Variants in LCP1 observed in about 807,000 individuals in gnomAD.
LCP1 encodes the protein lymphocyte cytosolic protein 1, also known as plastin-2.
A neutral mutation model predicts 72.0 loss-of-function variants in LCP1; 23 were observed. The ratio of observed to expected loss-of-function variants is 0.32; its 90% confidence interval spans 0.23 to 0.45. The LOEUF (loss-of-function observed/expected upper bound fraction) is 0.45, where lower values mean the gene tolerates loss of function less well. Ranked by LOEUF, LCP1 falls within the 20% of genes least tolerant of loss-of-function variation. LCP1 has a pLI of 1.00. For synonymous variants in LCP1, 245 were observed against 275.4 expected (o/e 0.89, Z 1.09); for missense variants, 571 against 748.3 (o/e 0.76, Z 2.76).
At chr13:46,139,573 C>T (rs1261631476) in intron 13 of LCP1, among the ~76,000 whole-genome samples, 1 of 152,156 alleles carries the variant, frequency 6.6e-6, no homozygotes, top group Non-Finnish European at 1.5e-5. Context: ...AATTGAGTCA[C>T]ACTAACATAG....
At chr13:46,163,064 G>T (rs1311984606) in intron 1 of LCP1, among the ~76,000 whole-genome samples, 4 of 151,186 alleles carry the variant, frequency 2.6e-5, no homozygotes, top group African/African-American at 4.9e-5. Flanking sequence ...GAGGTGGGGG[G>T]CGCCTCTGCC....
At position 46,159,677 on chromosome 13, in the gene LCP1, G is replaced by A. The variant is rs772900284; in HGVS notation, c.-15C>T. ...CCTCTGGCCATTTTTTATTGCTTTA[G>A]GTAACAGATCTGGAGAGAAGAAGAA... is the stretch of plus-strand genomic sequence containing the variant. On this transcript the variant is annotated 5_prime_UTR_variant, in exon 2 of 16. Coordinates refer to ENST00000323076, the MANE Select transcript of LCP1 (RefSeq NM_002298.5). 1 of 1,606,046 alleles carries A rather than the reference G, an allele frequency of 6.2e-7. No individual in the cohort carries two copies. Among genetic ancestry groups the A allele is most frequent in the Non-Finnish European group, 8.5e-7 (1 of 1,172,850 alleles).
chr13:46,130,663 G>T, intron 15 of LCP1, 151 bp downstream of exon 15: 4 of 813,254 alleles, frequency 4.9e-6, no homozygotes, highest in Non-Finnish European at 5.6e-6. Context: ...CCAAAACAGT[G>T]ATGATGAGAC....
intron 13 of LCP1, among the ~76,000 whole-genome samples, chr13:46,139,474 C>T (rs557709011): frequency 6.6e-6 from 1 of 152,354 alleles, no homozygotes; most frequent in East Asian, 1.9e-4. Context: ...TGCCTAGGCA[C>T]ACCACGAACC....
chr13:46,128,426 A>G (rs528864912), intron 15 of LCP1, among the ~76,000 whole-genome samples: 39 of 152,070 alleles, frequency 2.6e-4, no homozygotes, highest in Non-Finnish European at 3.4e-4. Context: ...GTGAAACCCC[A>G]TCTCTACTAA....
intron 1 of LCP1, among the ~76,000 whole-genome samples, chr13:46,176,132 A>G (rs2045928281): frequency 6.6e-6 from 1 of 152,218 alleles, no homozygotes; most frequent in African/African-American, 2.4e-5. Flanking sequence ...ATAAGCTCTC[A>G]TGTTCTATAG....
intron 13 of LCP1, among the ~76,000 whole-genome samples, chr13:46,136,619 G>T (rs979045483): frequency 6.6e-6 from 1 of 152,150 alleles, no homozygotes; most frequent in African/African-American, 2.4e-5. Context: ...GTTTGGAAAA[G>T]ATCCTACTTT....
intron 8 of LCP1, 63 bp from the exon 9 acceptor site, chr13:46,148,510 A>G: frequency 1.0e-6 from 1 of 1,002,178 alleles, no homozygotes; most frequent in Non-Finnish European, 1.5e-6. Context: ...TTAGCATAAC[A>G]ATGATTTCCC....
intron 1 of LCP1, among the ~76,000 whole-genome samples, chr13:46,161,536 T>C (rs1361751109): frequency 1.3e-5 from 2 of 152,044 alleles, no homozygotes; most frequent in Non-Finnish European, 1.5e-5. Context: ...TTTCTTGTCA[T>C]CTCTCTCTCT....
intron 1 of LCP1, among the ~76,000 whole-genome samples, chr13:46,176,218 C>A (rs1367941821): frequency 6.6e-6 from 1 of 152,068 alleles, no homozygotes; most frequent in Non-Finnish European, 1.5e-5. Context: ...GTTTCCAGCA[C>A]AAGAAATAAA....
rs1020820275 is a variant in LCP1, at chr13:46,126,249, T to C, written c.*1342A>G. 5 of 226,786 alleles carry C rather than the reference T, an allele frequency of 2.2e-5. No homozygotes were observed. Among genetic ancestry groups the C allele is most frequent in the African/African-American group, 1.1e-4 (5 of 45,000 alleles). 14.0% of individuals were successfully genotyped at this position (226,786 alleles called of 1,614,324 possible). ...ACCTCATTGATGGAGCTTTTCACCA[T>C]GATAGAGGGCGTCTTGCATTGGTTC... On this transcript the variant is annotated 3_prime_UTR_variant, in exon 16 of 16. Transcript: ENST00000323076.
rs773155889 is a variant in LCP1, at chr13:46,134,145, T to C, written c.1608A>G (p.Ser536=). The change falls in exon 14 of 16, where the codon TCA becomes TCG. Residue 536 remains serine, a synonymous_variant. Transcript: ENST00000323076. ...NETLREAKKS[S]SISSFKDPKI... is the part of the protein sequence containing the mutation. Reference sequence around the variant, plus strand: ...ATTTTACCTTGAAACTAGAGATGGATGAACTTTTCTTTGCTTCCCTCAATG... The same window carrying C: ...ATTTTACCTTGAAACTAGAGATGGACGAACTTTTCTTTGCTTCCCTCAATG... 7 of 1,613,726 alleles carry C rather than the reference T, an allele frequency of 4.3e-6. No homozygotes were observed. In the Admixed American group the frequency reaches 1.2e-4, roughly 27 times the overall value.
chr13:46,137,326 T>G (rs1049606156), intron 13 of LCP1, among the ~76,000 whole-genome samples: 1 of 151,590 alleles, frequency 6.6e-6, no homozygotes, highest in South Asian at 2.1e-4. Context: ...TCACCTGAGG[T>G]CAGGAGTTTG....
intron 1 of LCP1, chr13:46,169,812 C>T (rs1194503836): frequency 6.6e-6 from 1 of 152,276 alleles, no homozygotes; most frequent in African/African-American, 2.4e-5. Flanking sequence ...AAAGAGCAAA[C>T]CCAATTAAAA....
chr13:46,142,192 C>A, intron 13 of LCP1, 100 bp downstream of exon 13: 11 of 1,198,378 alleles, frequency 9.2e-6, no homozygotes, highest in Admixed American at 4.3e-5. Flanking sequence ...TAGCTTAAAA[C>A]ATACTTTTAC....
intron 15 of LCP1, among the ~76,000 whole-genome samples, 194 bp from the exon 16 acceptor site, chr13:46,127,917 G>C (rs915274371): frequency 6.6e-6 from 1 of 152,020 alleles, no homozygotes; most frequent in Non-Finnish European, 1.5e-5. Flanking sequence ...CAAAGCATCA[G>C]ACTTGCTGGC....
At chr13:46,134,279 GAA>G (rs1483784660) in intron 13 of LCP1, 29 bp from the exon 14 acceptor site, 1 of 1,595,380 alleles carries the variant, frequency 6.3e-7, no homozygotes, top group Non-Finnish European at 8.5e-7. Flanking sequence ...GCTTTCTGGA[GAA>G]CAGTTGCTAA....
At chr13:46,153,106 C>T (rs1464681278) in intron 6 of LCP1, 161 bp from the exon 7 acceptor site, 7 of 666,456 alleles carry the variant, frequency 1.1e-5, no homozygotes, top group East Asian at 6.0e-5. Context: ...GACTCATAAC[C>T]AGAAGAGAAA....
chr13:46,130,734 A>G, intron 15 of LCP1, 80 bp downstream of exon 15: 2 of 1,505,884 alleles, frequency 1.3e-6, no homozygotes, highest in South Asian at 2.4e-5. Flanking sequence ...GTATAAAGGC[A>G]TGAGCATTAG....
Sources: gnomAD v4.1 joint callset for allele counts (sites outside exome capture counted in the v4.1 genomes callset) on GRCh38, gnomAD v4.1.1 for gene constraint, MANE v1.5 for transcripts, NCBI Gene and HGNC (gene_info 2026-07-23, HGNC 2026-07-21) for gene names.